PHF2: variants seen among roughly 807,000 people sequenced by gnomAD.
The protein encoded by PHF2 is PHD finger protein 2, also known as lysine-specific demethylase PHF2.
In PHF2, 27 loss-of-function variants were observed where a neutral mutation model predicts 120.5. The observed-to-expected ratio is 0.22, with a 90% CI of 0.17 to 0.31. PHF2 has a LOEUF of 0.31. Ranked by LOEUF, PHF2 falls within the 10% of genes least tolerant of loss-of-function variation. The probability of loss-of-function intolerance (pLI) is 1.00; values close to 1 mark genes in which losing one functional copy is unlikely to be tolerated. For synonymous variants in PHF2, 568 were observed against 592.5 expected, an observed-to-expected ratio of 0.96 and a Z score of 0.60; for missense variants, 1,024 against 1,434.8, an observed-to-expected ratio of 0.71 and a Z score of 4.63.
chr9:93,585,752 T>C (rs1482854124), intron 1 of PHF2, among the ~76,000 whole-genome samples: 1 of 152,242 alleles, frequency 6.6e-6, no homozygotes, highest in Non-Finnish European at 1.5e-5. Context: ...GATCTTATTG[T>C]AGCTTTGTGA....
intron 1 of PHF2, among the ~76,000 whole-genome samples, chr9:93,613,175 A>G (rs1218430398): frequency 1.3e-5 from 2 of 152,224 alleles, no homozygotes; most frequent in African/African-American, 2.4e-5. Context: ...TGTGATTCCC[A>G]TCAGTCGTGT....
chr9:93,577,135 T>TGGGCTCG (rs1010947372), intron 1 of PHF2, among the ~76,000 whole-genome samples: 1 of 145,666 alleles, frequency 6.9e-6, no homozygotes, highest in Non-Finnish European at 1.5e-5. Flanking sequence ...GGCCGGGAGG[T>TGGGCTCG]GGGCTCGGGG....
rs1236287551 is a variant in PHF2, at chr9:93,660,394, C to T, written c.1532C>T (p.Pro511Leu). ...TCCAAAATCCCCAAGCCCCCGAAGC[C>T]CCCTAAGCCCCCAAGGCCCCCCAAA... ...KPSKIPKPPK[P>L]PKPPRPPKTL... The change falls in exon 12 of 22, where the codon CCC becomes CTC. Residue 511 changes from proline to leucine, a missense_variant. Physicochemically the swap from Pro to Leu is moderately conservative, Grantham distance 98 (BLOSUM62 -3). Around this residue, in one of 2 missense-constraint regions of PHF2, gnomAD observed 677 missense variants for 857.4 expected, o/e 0.79. Transcript: ENST00000359246. The T allele has an allele frequency of 6.5e-7, 1 of 1,531,314 alleles. No individual in the cohort carries two copies. Among genetic ancestry groups the T allele is most frequent in the Non-Finnish European group, 8.8e-7 (1 of 1,135,198 alleles). The allele number at this position is 1,531,314 out of a possible 1,614,324, so 94.9% of individuals were successfully genotyped here.
intron 1 of PHF2, among the ~76,000 whole-genome samples, chr9:93,586,963 A>G (rs1344422150): frequency 1.3e-5 from 2 of 152,156 alleles, no homozygotes; most frequent in African/African-American, 2.4e-5. Flanking sequence ...CTGGCCCCCA[A>G]ATGAGGGGAG....
intron 1 of PHF2, chr9:93,594,971 A>T (rs188000446): frequency 1.3e-5 from 2 of 153,526 alleles, no homozygotes; most frequent in African/African-American, 4.8e-5. Flanking sequence ...TTAAAGGAAT[A>T]CTTATAGTTA....
At chr9:93,582,054 C>G (rs545656817) in intron 1 of PHF2, among the ~76,000 whole-genome samples, 1 of 152,144 alleles carries the variant, frequency 6.6e-6, no homozygotes, top group Admixed American at 6.5e-5. Flanking sequence ...AGGGGTTTTT[C>G]ATTCATCATG....
chr9:93,654,946 G>A (rs1826432462), intron 7 of PHF2, among the ~76,000 whole-genome samples: 1 of 152,236 alleles, frequency 6.6e-6, no homozygotes, highest in Non-Finnish European at 1.5e-5. Flanking sequence ...AGAGAGCCTT[G>A]TGTGGAGACA....
At chr9:93,622,485 T>C (rs192932250) in intron 1 of PHF2, among the ~76,000 whole-genome samples, 129 of 152,224 alleles carry the variant, frequency 8.5e-4, no homozygotes, top group Non-Finnish European at 1.1e-3. Flanking sequence ...ATCACAGTGG[T>C]CCTTAGGAGG....
chr9:93,638,314 G>A (rs1027517106), intron 3 of PHF2, among the ~76,000 whole-genome samples: 1 of 151,994 alleles, frequency 6.6e-6, no homozygotes, highest in African/African-American at 2.4e-5. Context: ...TCTATTTTTT[G>A]TTGTGCTTTT....
At chr9:93,672,486 G>A in intron 17 of PHF2, 1 of 984,592 alleles carries the variant, frequency 1.0e-6, no homozygotes, top group African/African-American at 1.8e-5. Context: ...GTGGGAGTAG[G>A]CACAGGTGTA....
intron 1 of PHF2, among the ~76,000 whole-genome samples, chr9:93,597,055 C>T (rs1476580152): frequency 4.6e-5 from 7 of 150,678 alleles, no homozygotes; most frequent in East Asian, 3.9e-4. Context: ...CTCAGCCTCC[C>T]GAGTAGCTGG....
intron 1 of PHF2, among the ~76,000 whole-genome samples, chr9:93,617,256 G>A (rs757844128): frequency 3.3e-5 from 5 of 152,204 alleles, no homozygotes; most frequent in South Asian, 2.1e-4. Context: ...CAGCAGGGCC[G>A]CAGCTCCATG....
chr9:93,594,191 C>A (rs978315171), intron 1 of PHF2, among the ~76,000 whole-genome samples: 32 of 151,094 alleles, frequency 2.1e-4, no homozygotes, highest in Non-Finnish European at 2.4e-4. Context: ...ATGTGACCCC[C>A]CCCCCCTCCA....
chr9:93,658,048 C>A, intron 9 of PHF2, 97 bp from the exon 10 acceptor site: 1 of 770,040 alleles, frequency 1.3e-6, no homozygotes, highest in Non-Finnish European at 2.2e-6. Context: ...CTCTGGAAGG[C>A]TGGACCTGGC....
chr9:93,656,691 G>T lies in PHF2; in HGVS notation c.1147+96G>T. ...GGCTGACTGTCTGGGTGTGAGTGCC[G>T]CCTTCCTGTGGCCTGAGCAAGTCCT... On this transcript the variant is annotated intron_variant, in intron 9 of 21. Coordinates refer to ENST00000359246, the MANE Select transcript of PHF2 (RefSeq NM_005392.4). The surrounding 1 kb of genome is among the most constrained non-coding windows in gnomAD (Gnocchi z 4.1). 1.2e-6 allele frequency: 1 copy of T among 806,866 alleles called. No individual in the cohort carries two copies. The highest frequency in any genetic ancestry group is 1.5e-5 in the South Asian group (1 of 66,194). The allele number at this position is 806,866 out of a possible 1,614,324, so 50.0% of individuals were successfully genotyped here.
At chr9:93,581,508 A>G (rs1862929586) in intron 1 of PHF2, among the ~76,000 whole-genome samples, 1 of 152,172 alleles carries the variant, frequency 6.6e-6, no homozygotes, top group African/African-American at 2.4e-5. Context: ...GTGAGTTTTG[A>G]AAGTTCTGGA....
chr9:93,649,285 C>T (rs1826316816), intron 5 of PHF2, 73 bp downstream of exon 5: 1 of 1,295,390 alleles, frequency 7.7e-7, no homozygotes, highest in East Asian at 2.5e-5. Flanking sequence ...TGGTAGTCGC[C>T]TGAGAAGCAC....
Position 93,673,506 on chromosome 9 carries a change from A to C in PHF2, c.2349-79A>C, listed in dbSNP as rs367686406. ...CAGGAGTTTGTGCAGGAGTTTGTGC[A>C]GGCCATAGGCTGTTGTTTAAGTGCC... On this transcript the variant is annotated intron_variant, in intron 17 of 21. Transcript: ENST00000359246. The C allele has an allele frequency of 1.5e-5, 19 of 1,309,666 alleles. 1 individual carries two copies. The highest frequency in any genetic ancestry group is 7.4e-5 in the African/African-American group (5 of 67,738). 81.1% of individuals were successfully genotyped at this position (1,309,666 alleles called of 1,614,324 possible).
At chr9:93,611,015 A>G (rs1825624201) in intron 1 of PHF2, among the ~76,000 whole-genome samples, 1 of 152,244 alleles carries the variant, frequency 6.6e-6, no homozygotes, top group Non-Finnish European at 1.5e-5. Flanking sequence ...GGATACTGTG[A>G]TAGCCTCAAG....
Sources: gnomAD v4.1 joint callset for allele counts (sites outside exome capture counted in the v4.1 genomes callset) on GRCh38, gnomAD v4.1.1 for gene constraint, gnomAD v4.1.1 regional missense constraint, Gnocchi (gnomAD v3.1) non-coding constraint, MANE v1.5 for transcripts, NCBI Gene and HGNC (gene_info 2026-07-23, HGNC 2026-07-21) for gene names.